Variants in TMEM163 observed in about 807,000 individuals in gnomAD.
The protein encoded by TMEM163 is transmembrane protein 163.
TMEM163 carries 17 observed loss-of-function variants against 29.3 expected under a neutral mutation model. The ratio of observed to expected loss-of-function variants is 0.58; its 90% CI spans 0.40 to 0.87. The LOEUF (loss-of-function observed/expected upper bound fraction) is 0.87, where lower values mean the gene tolerates loss of function less well. TMEM163 is among the 40% of genes least tolerant of loss of function. The pLI, the probability that TMEM163 is intolerant of heterozygous loss-of-function variation, is 0.00. For missense variants in TMEM163, 303 were observed against 381.5 expected (o/e 0.79, Z 1.71); for synonymous variants, 157 against 160.6 (o/e 0.98, Z 0.17).
At chr2:134,509,789 T>C (rs1679908005) in intron 4 of TMEM163, among the ~76,000 whole-genome samples, 1 of 152,196 alleles carries the variant, frequency 6.6e-6, no homozygotes, top group Non-Finnish European at 1.5e-5. Context: ...CTAAGAGTGA[T>C]AAAACACAAC....
At chr2:134,550,356 G>A (rs978067308) in intron 4 of TMEM163, among the ~76,000 whole-genome samples, 2 of 152,174 alleles carry the variant, frequency 1.3e-5, no homozygotes, top group African/African-American at 4.8e-5. Context: ...TCTGAGAACA[G>A]AGAAAATTAT....
intron 4 of TMEM163, among the ~76,000 whole-genome samples, chr2:134,535,195 A>T (rs2106500755): frequency 6.6e-6 from 1 of 152,352 alleles, no homozygotes; most frequent in South Asian, 2.1e-4. Context: ...AAAGCAGGCA[A>T]GATTCATGTC....
chr2:134,522,516 T>G (rs543354640), intron 4 of TMEM163, among the ~76,000 whole-genome samples: 1 of 152,212 alleles, frequency 6.6e-6, no homozygotes, highest in African/African-American at 2.4e-5. Context: ...ATGGACTGGA[T>G]AATTTGCTCC....
intron 4 of TMEM163, among the ~76,000 whole-genome samples, chr2:134,546,500 C>T (rs1163635481): frequency 6.6e-6 from 1 of 152,240 alleles, no homozygotes; most frequent in East Asian, 1.9e-4. Context: ...AAAAATTAGC[C>T]GGGCCCCATG....
At chr2:134,599,925 A>G (rs1241717701) in intron 2 of TMEM163, among the ~76,000 whole-genome samples, 7 of 151,234 alleles carry the variant, frequency 4.6e-5, no homozygotes, top group Admixed American at 1.3e-4. Flanking sequence ...ACCTACACAC[A>G]TATATACACA....
intron 4 of TMEM163, among the ~76,000 whole-genome samples, chr2:134,532,732 T>G (rs1680442210): frequency 6.6e-6 from 1 of 152,184 alleles, no homozygotes; most frequent in Non-Finnish European, 1.5e-5. Context: ...GCCCACACAG[T>G]GAAGGCCGCT....
At chr2:134,630,783 C>T (rs1333059815) in intron 2 of TMEM163, among the ~76,000 whole-genome samples, 1 of 152,190 alleles carries the variant, frequency 6.6e-6, no homozygotes, top group Non-Finnish European at 1.5e-5. Flanking sequence ...TTCCTCTTCA[C>T]ACTGCAAAAT....
intron 2 of TMEM163, among the ~76,000 whole-genome samples, chr2:134,583,701 C>T (rs965528074): frequency 7.9e-5 from 12 of 152,184 alleles, no homozygotes; most frequent in South Asian, 2.1e-4. Flanking sequence ...CACTCACGCA[C>T]CATCACTCCC....
At chr2:134,512,981 A>AT (rs1389481286) in intron 4 of TMEM163, among the ~76,000 whole-genome samples, 5 of 152,190 alleles carry the variant, frequency 3.3e-5, no homozygotes, top group Non-Finnish European at 7.3e-5. Flanking sequence ...GATGTCATGG[A>AT]TATCCAGGCA....
At chr2:134,537,615 T>C (rs1390607609) in intron 4 of TMEM163, among the ~76,000 whole-genome samples, 2 of 152,194 alleles carry the variant, frequency 1.3e-5, no homozygotes, top group Admixed American at 6.5e-5. Context: ...CAGTTCATAA[T>C]AGACACCCAG....
intron 2 of TMEM163, among the ~76,000 whole-genome samples, chr2:134,562,700 A>G (rs992838701): frequency 6.6e-6 from 1 of 152,256 alleles, no homozygotes; most frequent in Admixed American, 6.5e-5. Context: ...AATCAAAGTC[A>G]TTTGAAGATT....
At chr2:134,503,128 C>A (rs893146292) in intron 4 of TMEM163, 131 bp from the exon 5 acceptor site, 4 of 796,382 alleles carry the variant, frequency 5.0e-6, no homozygotes, top group Non-Finnish European at 8.1e-6. Flanking sequence ...CCCAGGGTGA[C>A]CACCCACAGT....
chr2:134,660,968 G>A (rs1683734690), intron 2 of TMEM163, among the ~76,000 whole-genome samples: 1 of 152,202 alleles, frequency 6.6e-6, no homozygotes, highest in African/African-American at 2.4e-5. Context: ...GTGTTGGGAG[G>A]TGGGGCCTTT....
intron 2 of TMEM163, among the ~76,000 whole-genome samples, chr2:134,578,157 G>A (rs1261955065): frequency 1.3e-5 from 2 of 152,170 alleles, no homozygotes; most frequent in Non-Finnish European, 2.9e-5. Flanking sequence ...ATAAGAGGAA[G>A]AGAAAGGGTA....
At chr2:134,598,910 G>C (rs1435641876) in intron 2 of TMEM163, among the ~76,000 whole-genome samples, 1 of 127,392 alleles carries the variant, frequency 7.8e-6, no homozygotes, top group Non-Finnish European at 1.6e-5. Context: ...GACAGAGTGA[G>C]ACTCTATCTC....
At chr2:134,584,511 A>G (rs1463260471) in intron 2 of TMEM163, among the ~76,000 whole-genome samples, 1 of 152,130 alleles carries the variant, frequency 6.6e-6, no homozygotes, top group Non-Finnish European at 1.5e-5. Flanking sequence ...ACAGGTGAAA[A>G]ACCCCTCCCC....
At chr2:134,503,548 G>A (rs914065596) in intron 4 of TMEM163, among the ~76,000 whole-genome samples, 1 of 152,236 alleles carries the variant, frequency 6.6e-6, no homozygotes, top group East Asian at 1.9e-4. Context: ...GCAAAGGAAA[G>A]TCTACTCTGT....
At chr2:134,491,010 T>C (rs921279932) in intron 5 of TMEM163, among the ~76,000 whole-genome samples, 1 of 152,176 alleles carries the variant, frequency 6.6e-6, no homozygotes, top group Non-Finnish European at 1.5e-5. Flanking sequence ...GTTAAACACC[T>C]TTTAAAACAT....
chr2:134,537,428 G>A (rs1300973859), intron 4 of TMEM163, among the ~76,000 whole-genome samples: 1 of 152,154 alleles, frequency 6.6e-6, no homozygotes, highest in Non-Finnish European at 1.5e-5. Flanking sequence ...ACAAGGCAGG[G>A]GGAGCAAGTG....
Sources: gnomAD v4.1 joint callset for allele counts (sites outside exome capture counted in the v4.1 genomes callset) on GRCh38, gnomAD v4.1.1 for gene constraint, MANE v1.5 for transcripts, NCBI Gene and HGNC (gene_info 2026-07-23, HGNC 2026-07-21) for gene names.